The following RBFOX1 variants were observed in gnomAD, a reference collection of about 807,000 sequenced individuals.
The protein encoded by RBFOX1 is RNA binding protein fox-1 homolog 1.
A neutral mutation model predicts 57.7 loss-of-function variants in RBFOX1; 8 were observed. That is an observed-to-expected ratio of 0.14 (90% CI 0.08 to 0.25). The LOEUF (loss-of-function observed/expected upper bound fraction) is 0.25. RBFOX1 is among the 10% of genes least tolerant of loss of function. The pLI is 1.00. For missense variants in RBFOX1, 611 were observed against 548.5 expected (o/e 1.11, Z -1.14); for synonymous variants, 326 against 222.4 (o/e 1.47, Z -4.15).
intron 3 of RBFOX1, among the ~76,000 whole-genome samples, chr16:6,893,636 G>T (rs144192170): frequency 6.6e-6 from 1 of 152,104 alleles, no homozygotes; most frequent in Admixed American, 6.5e-5. Flanking sequence ...CAAAAGCCCT[G>T]TTCCTCCAAT....
intron 1 of RBFOX1, among the ~76,000 whole-genome samples, chr16:5,318,536 G>C (rs1299122052): frequency 6.6e-6 from 1 of 152,092 alleles, no homozygotes; most frequent in African/African-American, 2.4e-5. Context: ...GGATTGCTTG[G>C]AATTATTGAG....
intron 1 of RBFOX1, among the ~76,000 whole-genome samples, chr16:6,093,568 G>C (rs2096206327): frequency 6.6e-6 from 1 of 152,180 alleles, no homozygotes; most frequent in East Asian, 1.9e-4. Flanking sequence ...CTAACAAAAG[G>C]TATTTATGTA....
At chr16:5,757,072 C>G (rs916035538) in intron 3 of RBFOX1, among the ~76,000 whole-genome samples, 4 of 152,172 alleles carry the variant, frequency 2.6e-5, no homozygotes, top group African/African-American at 7.2e-5. Context: ...TTGCATTCTT[C>G]AGATTCATTG....
At chr16:7,618,621 C>CA (rs1309922623) in intron 10 of RBFOX1, among the ~76,000 whole-genome samples, 1 of 151,944 alleles carries the variant, frequency 6.6e-6, no homozygotes, top group Non-Finnish European at 1.5e-5. Flanking sequence ...TTGTTCTTTT[C>CA]AAAATTTATT....
intron 5 of RBFOX1, among the ~76,000 whole-genome samples, chr16:7,566,644 C>T (rs1233421603): frequency 6.6e-6 from 1 of 152,112 alleles, no homozygotes; most frequent in African/African-American, 2.4e-5. Flanking sequence ...GGTGGGACCT[C>T]AGCACAGTTT....
chr16:7,330,124 C>T (rs1300367800), intron 4 of RBFOX1, among the ~76,000 whole-genome samples: 1 of 152,118 alleles, frequency 6.6e-6, no homozygotes, highest in African/African-American at 2.4e-5. Flanking sequence ...ATTATATATA[C>T]AGTCATCCCT....
chr16:5,924,511 C>G (rs977257628), intron 4 of RBFOX1, among the ~76,000 whole-genome samples: 8 of 152,240 alleles, frequency 5.3e-5, no homozygotes, highest in African/African-American at 1.9e-4. Context: ...CTGGCACCTT[C>G]TCCCTCTCTC....
chr16:7,053,074 C>T (rs547278684), intron 4 of RBFOX1, among the ~76,000 whole-genome samples: 80 of 152,270 alleles, frequency 5.3e-4, no homozygotes, highest in Non-Finnish European at 8.8e-4. Flanking sequence ...TCATACACTG[C>T]CCTGTAACTT....
intron 2 of RBFOX1, among the ~76,000 whole-genome samples, chr16:5,579,537 C>A (rs537883292): frequency 6.6e-6 from 1 of 152,086 alleles, no homozygotes; most frequent in Non-Finnish European, 1.5e-5. Flanking sequence ...GCCTTTAAAA[C>A]CCCCAATCCT....
chr16:7,461,277 C>T (rs907910819), intron 4 of RBFOX1, among the ~76,000 whole-genome samples: 2 of 151,968 alleles, frequency 1.3e-5, no homozygotes, highest in African/African-American at 4.8e-5. Context: ...AAGCGATTCT[C>T]CTGCCTCAGC....
chr16:6,762,111 G>T (rs765101904), intron 3 of RBFOX1, among the ~76,000 whole-genome samples: 10 of 152,108 alleles, frequency 6.6e-5, no homozygotes, highest in Non-Finnish European at 1.3e-4. Context: ...GTTACCTTGG[G>T]AAATTAGCTT....
In RBFOX1 at chr16:6,331,545, CTA is replaced by C. The variant is rs910680711; in HGVS notation, c.-64+14500_-64+14501del. Among the ~76,000 whole-genome samples the C allele has an allele frequency of 1.7e-4, 25 of 147,924 alleles. 1 individual carries two copies. The highest frequency in any genetic ancestry group is 4.0e-4 in the East Asian group (2 of 5,022). Reference sequence around the variant, plus strand: ...ATTTTCTGTTTCTCTCTCTCTCTCTCTATATATATATATGTATATAATATGTG... The same window carrying C: ...ATTTTCTGTTTCTCTCTCTCTCTCTCTATATATATATGTATATAATATGTG... On this transcript the variant is annotated intron_variant, in intron 2 of 15. Coordinates refer to ENST00000550418, the MANE Select transcript of RBFOX1 (RefSeq NM_018723.4).
intron 1 of RBFOX1, among the ~76,000 whole-genome samples, chr16:6,265,276 T>C (rs1244338223): frequency 6.6e-6 from 1 of 152,162 alleles, no homozygotes; most frequent in African/African-American, 2.4e-5. Flanking sequence ...TTTGGGGTTT[T>C]TGTGAGACAG....
intron 3 of RBFOX1, among the ~76,000 whole-genome samples, chr16:7,040,711 A>T (rs577996638): frequency 9.5e-4 from 144 of 152,196 alleles, no homozygotes; most frequent in African/African-American, 3.4e-3. Flanking sequence ...TTTATACACA[A>T]ATGGATTATA....
At chr16:7,589,319 C>T (rs1213620280) in intron 7 of RBFOX1, among the ~76,000 whole-genome samples, 1 of 152,096 alleles carries the variant, frequency 6.6e-6, no homozygotes, top group Non-Finnish European at 1.5e-5. Flanking sequence ...CTGTTTAATT[C>T]CTTCTGAGAG....
intron 1 of RBFOX1, among the ~76,000 whole-genome samples, chr16:6,101,315 C>G (rs1176246906): frequency 6.6e-6 from 1 of 152,166 alleles, no homozygotes; most frequent in African/African-American, 2.4e-5. Flanking sequence ...CACATGCAGA[C>G]AGTTGTAAAA....
intron 2 of RBFOX1, among the ~76,000 whole-genome samples, chr16:6,387,975 T>TG: frequency 3.0e-5 from 1 of 33,750 alleles, no homozygotes; most frequent in Non-Finnish European, 4.9e-5. Context: ...TTGTGGAACA[T>TG]TTTTTTTTTT....
chr16:6,714,311 C>A (rs1011250979), intron 3 of RBFOX1, among the ~76,000 whole-genome samples: 27 of 152,046 alleles, frequency 1.8e-4, no homozygotes, highest in Admixed American at 8.5e-4. Context: ...ATTGTGAAAT[C>A]GGACCAAAAC....
At chr16:6,854,255 C>T (rs1030879942) in intron 3 of RBFOX1, among the ~76,000 whole-genome samples, 4 of 152,114 alleles carry the variant, frequency 2.6e-5, no homozygotes, top group African/African-American at 9.7e-5. Context: ...ATACCATTAG[C>T]ACCATTTCCT....
Sources: allele counts gnomAD v4.1 joint callset (sites outside exome capture counted in the v4.1 genomes callset), GRCh38; gene constraint gnomAD v4.1.1; transcripts MANE v1.5; gene names NCBI Gene and HGNC (gene_info 2026-07-23, HGNC 2026-07-21).